RAB3GAP2: variants seen among roughly 807,000 people sequenced by gnomAD.
RAB3GAP2 encodes rab3 GTPase-activating protein non-catalytic subunit.
Under a neutral mutation model 185.3 loss-of-function variants are expected in RAB3GAP2, and 87 were observed. The ratio of observed to expected loss-of-function variants is 0.47; its 90% CI spans 0.39 to 0.56. RAB3GAP2 has a LOEUF of 0.56. Ranked by LOEUF, RAB3GAP2 falls within the 20% of genes least tolerant of loss-of-function variation. The pLI is 0.00. For synonymous variants in RAB3GAP2, 554 were observed against 576.1 expected, an observed-to-expected ratio of 0.96 and a Z score of 0.55; for missense variants, 1,492 against 1,638.2, an observed-to-expected ratio of 0.91 and a Z score of 1.54.
rs1657904522 is a variant in RAB3GAP2 at position 220,158,710 on chromosome 1, G to C, written c.3261+676C>G. Among the ~76,000 whole-genome samples the C allele has an allele frequency of 6.6e-6, 1 of 152,092 alleles. No homozygotes were observed. The highest frequency in any genetic ancestry group is 2.1e-4 in the South Asian group (1 of 4,828). On this transcript the variant is annotated intron_variant, in intron 29 of 34. Coordinates refer to ENST00000358951, the MANE Select transcript of RAB3GAP2 (RefSeq NM_012414.4). This position sits in a 1 kb window ranked among gnomAD's most constrained non-coding sequence, Gnocchi z 4.3. ...CCAGCCTCGCCTTTCCAAAGTGCTA[G>C]GATTACAGGCGTGAGCCACCGCGCC... is the stretch of plus-strand genomic sequence containing the variant.
chr1:220,206,931 A>G (rs1057043845), intron 7 of RAB3GAP2, among the ~76,000 whole-genome samples: 3 of 152,140 alleles, frequency 2.0e-5, no homozygotes, highest in African/African-American at 7.2e-5. Flanking sequence ...GACTTCCTTA[A>G]CAGCACCTAT....
At chr1:220,224,005 C>CCAA (rs1659358447) in intron 2 of RAB3GAP2, among the ~76,000 whole-genome samples, 1 of 90,184 alleles carries the variant, frequency 1.1e-5, no homozygotes, top group Non-Finnish European at 2.2e-5. Context: ...GACCCTATCT[C>CCAA]AAAAAAAAAA....
intron 31 of RAB3GAP2, among the ~76,000 whole-genome samples, chr1:220,155,284 G>A (rs1657837924): frequency 6.6e-6 from 1 of 152,168 alleles, no homozygotes; most frequent in African/African-American, 2.4e-5. Flanking sequence ...TCTGCAAGCA[G>A]GTCATCCTAG....
chr1:220,253,765 G>A (rs183012520), intron 1 of RAB3GAP2: 13 of 1,611,664 alleles, frequency 8.1e-6, no homozygotes, highest in African/African-American at 8.0e-5. Context: ...ACTCAAATAC[G>A]TGGACACCAA....
intron 19 of RAB3GAP2, among the ~76,000 whole-genome samples, chr1:220,183,813 T>C (rs1332776411): frequency 1.3e-5 from 2 of 152,220 alleles, no homozygotes; most frequent in East Asian, 1.9e-4. Flanking sequence ...CAAAAACATA[T>C]CATGGCTGGG....
chr1:220,266,947 A>G (rs1350635690), intron 1 of RAB3GAP2: 7 of 1,598,238 alleles, frequency 4.4e-6, no homozygotes, highest in East Asian at 2.2e-5. Context: ...AGGCTTCCCA[A>G]CTAAAAATTC....
intron 10 of RAB3GAP2, 73 bp downstream of exon 10, chr1:220,196,177 T>A: frequency 6.6e-7 from 1 of 1,520,418 alleles, no homozygotes; most frequent in Non-Finnish European, 9.1e-7. Flanking sequence ...CTAAGCAAGT[T>A]ACCATATCCA....
At chr1:220,263,282 GCA>G (rs1424199354) in intron 1 of RAB3GAP2, among the ~76,000 whole-genome samples, 1 of 151,940 alleles carries the variant, frequency 6.6e-6, no homozygotes, top group Non-Finnish European at 1.5e-5. Flanking sequence ...GTCCTTTGAT[GCA>G]CAAAGTTTTT....
intron 33 of RAB3GAP2, 91 bp from the exon 34 acceptor site, chr1:220,151,855 T>C (rs1184864603): frequency 7.5e-6 from 10 of 1,338,720 alleles, no homozygotes; most frequent in African/African-American, 4.3e-5. Context: ...GAGATTCTAG[T>C]TGATTTTTGA....
chr1:220,215,245 G>A (rs1292871979), intron 2 of RAB3GAP2, among the ~76,000 whole-genome samples: 2 of 151,828 alleles, frequency 1.3e-5, no homozygotes, highest in Non-Finnish European at 2.9e-5. Flanking sequence ...AAAATTGCTG[G>A]GTCAAAGGGA....
chr1:220,180,606 G>A (rs1304657284), intron 21 of RAB3GAP2, among the ~76,000 whole-genome samples: 1 of 152,118 alleles, frequency 6.6e-6, no homozygotes, highest in Non-Finnish European at 1.5e-5. Context: ...TCCCATCACA[G>A]AAAAGCCCAG....
At chr1:220,163,744 C>CATACACATATATAT (rs775527991) in intron 27 of RAB3GAP2, among the ~76,000 whole-genome samples, 1 of 123,024 alleles carries the variant, frequency 8.1e-6, no homozygotes, top group Non-Finnish European at 1.6e-5. Flanking sequence ...TAAATACATA[C>CATACACATATATAT]ATATATATAT....
At chr1:220,196,647 A>G (rs1284006404) in intron 9 of RAB3GAP2, among the ~76,000 whole-genome samples, 3 of 151,924 alleles carry the variant, frequency 2.0e-5, no homozygotes, top group South Asian at 2.1e-4. Context: ...CCTGGCCAAC[A>G]TGGTGAAACC....
In RAB3GAP2 at chr1:220,167,285, A is replaced by G; in HGVS notation, c.3087+8T>C. The G allele has an allele frequency of 6.2e-7, 1 of 1,604,758 alleles. No individual in the cohort carries two copies. Among genetic ancestry groups the G allele is most frequent in the Non-Finnish European group, 8.5e-7 (1 of 1,171,484 alleles). On this transcript the variant is annotated splice_region_variant and intron_variant, in intron 26 of 34. Transcript: ENST00000358951. ...GAAATAACATGAAAGAGGTAACGAGAATCTTACCTCTGGATCTTTATTCCA... is the reference window on the plus strand; with the variant it reads ...GAAATAACATGAAAGAGGTAACGAGGATCTTACCTCTGGATCTTTATTCCA...
intron 21 of RAB3GAP2, among the ~76,000 whole-genome samples, chr1:220,177,510 T>C (rs756140853): frequency 1.1e-4 from 16 of 152,066 alleles, no homozygotes; most frequent in Non-Finnish European, 2.2e-4. Flanking sequence ...AGATGTGTGA[T>C]CTCTCAGACA....
chr1:220,242,651 C>A (rs564839721), intron 1 of RAB3GAP2, among the ~76,000 whole-genome samples: 20 of 152,188 alleles, frequency 1.3e-4, no homozygotes, highest in Non-Finnish European at 1.6e-4. Flanking sequence ...GTTATAAGCA[C>A]TTCCTTGTAA....
chr1:220,191,329 C>T, intron 13 of RAB3GAP2, 45 bp from the exon 14 acceptor site: 1 of 1,286,606 alleles, frequency 7.8e-7, no homozygotes, highest in Middle Eastern at 1.9e-4. Context: ...AATCTAGGTT[C>T]CATAGTAGCC....
chr1:220,195,089 T>C lies in RAB3GAP2; in HGVS notation c.1119A>G (p.Pro373=). The C allele has an allele frequency of 6.2e-7, 1 of 1,614,028 alleles. No individual in the cohort carries two copies. The highest frequency in any genetic ancestry group is 8.5e-7 in the Non-Finnish European group (1 of 1,179,924). The change falls in exon 12 of 35, where the codon CCA becomes CCG. Residue 373 remains proline (P), a synonymous_variant. Coordinates refer to ENST00000358951, the MANE Select transcript of RAB3GAP2 (RefSeq NM_012414.4). ...KQKPKVEPAT[P]LAVRFGLPDS... ...CATGACAGACTTGCCTTACAGCTAA[T>C]GGGGTAGCTGGCTCAACCTTCGGCT...
At chr1:220,176,529 G>T (rs968929278) in intron 21 of RAB3GAP2, among the ~76,000 whole-genome samples, 1 of 152,182 alleles carries the variant, frequency 6.6e-6, no homozygotes, top group Non-Finnish European at 1.5e-5. Flanking sequence ...GGTCCAGAAA[G>T]AACTGTACAC....
Sources: gnomAD v4.1 joint callset for allele counts (sites outside exome capture counted in the v4.1 genomes callset) on GRCh38, gnomAD v4.1.1 for gene constraint, Gnocchi (gnomAD v3.1) non-coding constraint, MANE v1.5 for transcripts, NCBI Gene and HGNC (gene_info 2026-07-23, HGNC 2026-07-21) for gene names.